The following MEIS2 variants were observed in gnomAD, a reference collection of about 807,000 sequenced individuals.
MEIS2 encodes homeobox protein Meis2.
MEIS2 carries 9 observed loss-of-function variants against 58.6 expected under a neutral mutation model. The observed-to-expected ratio is 0.15, with a 90% CI of 0.09 to 0.27. The LOEUF is 0.27. Among genes scored for constraint, MEIS2 ranks in the 10% least tolerant of loss-of-function variants. The pLI is 1.00. For synonymous variants in MEIS2, 221 were observed against 228.4 expected (o/e 0.97, Z 0.29); for missense variants, 427 against 635.0 (o/e 0.67, Z 3.52).
intron 8 of MEIS2, among the ~76,000 whole-genome samples, chr15:36,994,180 A>G (rs1180072510): frequency 1.3e-5 from 2 of 152,168 alleles, no homozygotes; most frequent in East Asian, 3.8e-4. Context: ...GACTGTATAA[A>G]TATACTGTAG....
At chr15:36,969,476 CTA>C (rs2059460992) in intron 8 of MEIS2, among the ~76,000 whole-genome samples, 1 of 152,152 alleles carries the variant, frequency 6.6e-6, no homozygotes. Context: ...CTCACTCTTC[CTA>C]TGTTTCTGAG....
At chr15:37,058,088 C>A (rs575205823) in intron 7 of MEIS2, among the ~76,000 whole-genome samples, 2 of 152,042 alleles carry the variant, frequency 1.3e-5, no homozygotes, top group Non-Finnish European at 2.9e-5. Flanking sequence ...TTTGTTCCTA[C>A]GAAGATCATC....
chr15:37,091,618 C>A (rs901627812), intron 6 of MEIS2, among the ~76,000 whole-genome samples: 3 of 152,156 alleles, frequency 2.0e-5, no homozygotes, highest in Non-Finnish European at 4.4e-5. Flanking sequence ...CTCTTAGGTA[C>A]AACTTCCTTC....
chr15:37,070,550 G>C (rs1890563744), intron 7 of MEIS2, among the ~76,000 whole-genome samples: 1 of 152,174 alleles, frequency 6.6e-6, no homozygotes, highest in African/African-American at 2.4e-5. Context: ...TCCTGTAGCA[G>C]AGGATACCCT....
chr15:36,934,608 T>G (rs542371285), intron 9 of MEIS2, among the ~76,000 whole-genome samples: 8 of 152,332 alleles, frequency 5.3e-5, no homozygotes, highest in African/African-American at 1.9e-4. Context: ...AACAAGTAAT[T>G]GTACTGGCTT....
chr15:37,095,913 G>A (rs1894164861), intron 3 of MEIS2: 1 of 484,902 alleles, frequency 2.1e-6, no homozygotes. Context: ...CTCCACTGCT[G>A]CCTGGGACCG....
chr15:36,976,275 G>A lies in MEIS2; in HGVS notation c.901-25875C>T, dbSNP rs186407257. 2.5e-3 allele frequency among the ~76,000 whole-genome samples: 378 copies of A among 151,648 alleles called. 2 individuals carry two copies. The highest frequency in any genetic ancestry group is 7.7e-3 in the African/African-American group (317 of 41,386). On this transcript the variant is annotated intron_variant, in intron 8 of 11. Transcript: ENST00000561208. ...AATTTTTTGTATTTTTAGTAGAGAC[G>A]GGGTTTCACCATGTTGGCCAGGCTG... is the stretch of plus-strand genomic sequence containing the variant.
intron 2 of MEIS2, 24 bp downstream of exon 2, chr15:37,097,943 G>T (rs772963826): frequency 5.1e-6 from 8 of 1,566,662 alleles, no homozygotes; most frequent in Admixed American, 3.5e-5. Context: ...CACACAGTAA[G>T]CTGGGTCCGG....
At chr15:36,950,241 A>C in intron 9 of MEIS2, 83 bp downstream of exon 9, 9 of 623,848 alleles carry the variant, frequency 1.4e-5, no homozygotes, top group Non-Finnish European at 1.9e-5. Context: ...TTGTTTTAGA[A>C]AAAAAAAAAA....
At chr15:37,065,594 C>T (rs888167711) in intron 7 of MEIS2, among the ~76,000 whole-genome samples, 2 of 152,136 alleles carry the variant, frequency 1.3e-5, no homozygotes, top group African/African-American at 4.8e-5. Context: ...AAACAAGATG[C>T]TAAGCCAATT....
intron 7 of MEIS2, among the ~76,000 whole-genome samples, chr15:37,049,725 C>A (rs139646172): frequency 1.1e-3 from 166 of 150,916 alleles, no homozygotes; most frequent in African/African-American, 3.8e-3. Context: ...TGAGCTCAGG[C>A]AATTCATGCA....
At chr15:36,925,366 C>T (rs1040542390) in intron 9 of MEIS2, among the ~76,000 whole-genome samples, 2 of 152,080 alleles carry the variant, frequency 1.3e-5, no homozygotes, top group Non-Finnish European at 2.9e-5. Flanking sequence ...GAGGGGCGCA[C>T]CCTGTGAATC....
intron 8 of MEIS2, among the ~76,000 whole-genome samples, chr15:37,000,967 A>G (rs1238727181): frequency 1.3e-5 from 2 of 151,880 alleles, no homozygotes; most frequent in Admixed American, 6.6e-5. Flanking sequence ...CTCCACTGAG[A>G]CTCTACAGAC....
At chr15:37,012,453 A>G (rs2061197570) in intron 8 of MEIS2, among the ~76,000 whole-genome samples, 1 of 152,218 alleles carries the variant, frequency 6.6e-6, no homozygotes, top group South Asian at 2.1e-4. Flanking sequence ...CTAATCATGC[A>G]TCCTATTCAT....
At chr15:36,949,557 G>C (rs552861257) in intron 9 of MEIS2, among the ~76,000 whole-genome samples, 1 of 152,078 alleles carries the variant, frequency 6.6e-6, no homozygotes, top group Non-Finnish European at 1.5e-5. Context: ...CCTGAAATCC[G>C]TGCAAATACT....
chr15:36,949,127 C>A (rs972615294), intron 9 of MEIS2, among the ~76,000 whole-genome samples: 1 of 151,826 alleles, frequency 6.6e-6, no homozygotes, highest in African/African-American at 2.4e-5. Context: ...GAAATGCTAT[C>A]CACACTATAG....
chr15:37,040,047 G>GTTTTTTTTTTT (rs11393172), intron 7 of MEIS2, among the ~76,000 whole-genome samples: 1 of 145,108 alleles, frequency 6.9e-6, no homozygotes, highest in Non-Finnish European at 1.5e-5. Flanking sequence ...GGATATTGGT[G>GTTTTTTTTTTT]TTTTTTTTTT....
intron 8 of MEIS2, among the ~76,000 whole-genome samples, chr15:36,969,736 T>C (rs192078366): frequency 1.9e-4 from 29 of 152,328 alleles, no homozygotes; most frequent in South Asian, 6.2e-4. Flanking sequence ...AAATCTACTT[T>C]TAAATTAGTA....
intron 8 of MEIS2, among the ~76,000 whole-genome samples, chr15:36,971,446 G>A (rs1357544069): frequency 3.4e-5 from 5 of 146,520 alleles, no homozygotes; most frequent in Non-Finnish European, 7.4e-5. Context: ...CTGAAAGCTG[G>A]AAGCTAAATT....
Sources: allele counts gnomAD v4.1 joint callset (sites outside exome capture counted in the v4.1 genomes callset), GRCh38; gene constraint gnomAD v4.1.1; transcripts MANE v1.5; gene names NCBI Gene and HGNC (gene_info 2026-07-23, HGNC 2026-07-21).